The following GALNT13 variants were observed in gnomAD, a reference collection of about 807,000 sequenced individuals.
The protein encoded by GALNT13 is UDP-GalNAc:polypeptide N-acetylgalactosaminyltransferase 13.
A neutral mutation model predicts 64.2 loss-of-function variants in GALNT13; 28 were observed. That is an observed-to-expected ratio of 0.44 (90% confidence interval 0.32 to 0.60). GALNT13 has a LOEUF of 0.60. Among genes scored for constraint, GALNT13 ranks in the 20% least tolerant of loss-of-function variants. The pLI, the probability that GALNT13 is intolerant of heterozygous loss-of-function variation, is 0.05. For missense variants in GALNT13, 577 were observed against 669.8 expected (o/e 0.86, Z 1.53); for synonymous variants, 214 against 224.6 (o/e 0.95, Z 0.42).
chr2:154,211,117 C>G (rs1687735285), intron 4 of GALNT13, among the ~76,000 whole-genome samples: 1 of 152,094 alleles, frequency 6.6e-6, no homozygotes, highest in Admixed American at 6.5e-5. Context: ...CATCTACACT[C>G]ATGCATTGCT....
the GALNT13 span, among the ~76,000 whole-genome samples, chr2:153,089,351 C>A: frequency 3.3e-5 from 5 of 152,178 alleles, no homozygotes; most frequent in African/African-American, 1.2e-4. Context: ...TGCTGTTAAT[C>A]TGATATGTTT....
the GALNT13 span, chr2:153,478,157 G>T: frequency 8.6e-7 from 1 of 1,167,728 alleles, no homozygotes; most frequent in Admixed American, 2.3e-5. Flanking sequence ...GCTTCGCCCA[G>T]TCTCTGATAG....
At chr2:153,391,806 T>A in the GALNT13 span, among the ~76,000 whole-genome samples, 1 of 151,906 alleles carries the variant, frequency 6.6e-6, no homozygotes, top group African/African-American at 2.4e-5. Flanking sequence ...ATTATGTTGC[T>A]TTCAGTGCAC....
chr2:153,422,896 A>G, the GALNT13 span, among the ~76,000 whole-genome samples: 1 of 152,002 alleles, frequency 6.6e-6, no homozygotes, highest in African/African-American at 2.4e-5. Context: ...AACAAGAAAA[A>G]AACATGTATT....
chr2:153,194,672 A>G, the GALNT13 span, among the ~76,000 whole-genome samples: 3 of 152,090 alleles, frequency 2.0e-5, no homozygotes, highest in African/African-American at 4.8e-5. Flanking sequence ...TGTGTCTTTC[A>G]TTGATATTAG....
the GALNT13 span, among the ~76,000 whole-genome samples, chr2:153,170,368 A>G: frequency 2.0e-5 from 3 of 152,250 alleles, no homozygotes; most frequent in Admixed American, 1.3e-4. Context: ...GATTTAAGCA[A>G]TTTTGTTTAT....
the GALNT13 span, among the ~76,000 whole-genome samples, chr2:153,310,396 A>G: frequency 6.6e-6 from 1 of 152,116 alleles, no homozygotes; most frequent in Admixed American, 6.6e-5. Flanking sequence ...ATGGGTATGA[A>G]CTGCCTGGGT....
At chr2:153,403,585 C>T in the GALNT13 span, among the ~76,000 whole-genome samples, 4 of 152,170 alleles carry the variant, frequency 2.6e-5, no homozygotes, top group East Asian at 3.9e-4. Flanking sequence ...GCGAGACTCC[C>T]TGGGCGTAGG....
At chr2:154,258,454 A>G (rs1007910715) in intron 7 of GALNT13, among the ~76,000 whole-genome samples, 1 of 149,978 alleles carries the variant, frequency 6.7e-6, no homozygotes, top group East Asian at 2.0e-4. Context: ...TTTAATTAGT[A>G]AAGAGAAGAA....
chr2:153,203,579 G>T, the GALNT13 span, among the ~76,000 whole-genome samples: 2 of 152,096 alleles, frequency 1.3e-5, no homozygotes, highest in Non-Finnish European at 2.9e-5. Context: ...AATGGATATG[G>T]TTAGCATGAC....
the GALNT13 span, chr2:153,207,969 T>G: frequency 6.6e-6 from 1 of 152,304 alleles, no homozygotes; most frequent in East Asian, 1.9e-4. Context: ...ATGTTTTGTT[T>G]GTGTTAAAGG....
intron 3 of GALNT13, among the ~76,000 whole-genome samples, chr2:154,112,188 G>A (rs982366798): frequency 1.3e-5 from 2 of 152,196 alleles, no homozygotes; most frequent in Non-Finnish European, 2.9e-5. Flanking sequence ...GGAAATCTCA[G>A]TGTTGGTCTC....
chr2:154,268,361 G>A (rs1373997773), intron 8 of GALNT13, among the ~76,000 whole-genome samples: 1 of 152,130 alleles, frequency 6.6e-6, no homozygotes, highest in African/African-American at 2.4e-5. Context: ...TTTAGTAAAT[G>A]CAAACTAATC....
chr2:153,794,645 T>C, the GALNT13 span, among the ~76,000 whole-genome samples: 1 of 151,934 alleles, frequency 6.6e-6, no homozygotes, highest in Non-Finnish European at 1.5e-5. Flanking sequence ...CTCAGCATCC[T>C]GAGTAGCTGG....
rs371799875 is a variant in GALNT13 at position 153,913,766 on chromosome 2, C to G, written c.-105+12759C>G. On this transcript the variant is annotated intron_variant, in intron 2 of 12. Transcript: ENST00000392825. ...GCAGTCCCATGCAGGGTGCCCAGTC[C>G]CCTCTCCCTTCAGTCCAGCATCTGT... 5.8e-3 allele frequency among the ~76,000 whole-genome samples: 887 copies of G among 152,098 alleles called. 7 individuals are homozygous for G. Among genetic ancestry groups the G allele is most frequent in the African/African-American group, 0.02 (817 of 41,508 alleles).
chr2:153,099,159 G>C, the GALNT13 span, among the ~76,000 whole-genome samples: 1 of 152,074 alleles, frequency 6.6e-6, no homozygotes, highest in Non-Finnish European at 1.5e-5. Flanking sequence ...AGTTTTCCTT[G>C]TAGTGTGTAT....
the GALNT13 span, among the ~76,000 whole-genome samples, chr2:153,654,767 C>T: frequency 6.6e-6 from 1 of 151,952 alleles, no homozygotes; most frequent in South Asian, 2.1e-4. Context: ...GTTTATAAGC[C>T]ATATGCAAAT....
chr2:154,259,196 T>C (rs1413482679), intron 8 of GALNT13, 58 bp downstream of exon 8: 3 of 895,698 alleles, frequency 3.3e-6, no homozygotes, highest in Middle Eastern at 2.2e-4. Context: ...AGCATGCACA[T>C]ACCAGTCCCA....
the GALNT13 span, among the ~76,000 whole-genome samples, chr2:153,315,719 C>T: frequency 6.6e-6 from 1 of 152,172 alleles, no homozygotes; most frequent in Non-Finnish European, 1.5e-5. Flanking sequence ...CACTAAACCT[C>T]AACACAGCAG....
Sources: gnomAD v4.1 joint callset for allele counts (sites outside exome capture counted in the v4.1 genomes callset) on GRCh38, gnomAD v4.1.1 for gene constraint, MANE v1.5 for transcripts, NCBI Gene and HGNC (gene_info 2026-07-23, HGNC 2026-07-21) for gene names.